Variants in SCN9A observed in about 807,000 individuals in gnomAD.
The protein encoded by SCN9A is sodium channel protein type 9 subunit alpha.
In SCN9A, 131 loss-of-function variants were observed where a neutral mutation model predicts 187.0. The ratio of observed to expected loss-of-function variants is 0.70; its 90% confidence interval spans 0.61 to 0.81. The LOEUF is 0.81. SCN9A is among the 30% of genes least tolerant of loss of function. SCN9A has a pLI of 0.00. For missense variants in SCN9A, 2,252 were observed against 2,396.6 expected, an observed-to-expected ratio of 0.94 and a Z score of 1.26; for synonymous variants, 809 against 808.6, an observed-to-expected ratio of 1.00 and a Z score of -0.01.
rs1236099048 is a variant in SCN9A, at chr2:166,284,450, T to C, written c.1974+3A>G. The C allele has an allele frequency of 1.9e-6, 3 of 1,606,176 alleles. No individual in the cohort carries two copies. Among genetic ancestry groups the C allele is most frequent in the Non-Finnish European group, 2.6e-6 (3 of 1,176,264 alleles). On this transcript the variant is annotated splice_donor_region_variant and intron_variant, in intron 12 of 26. Coordinates refer to ENST00000642356, the MANE Select transcript of SCN9A (RefSeq NM_001365536.1). ...ATGCCTGAGCTATGTAAAACGTCCT[T>C]ACGCTGTCATCAGAAGTTGCCTTAT...
At chr2:166,370,019 C>T (rs758251421) in intron 1 of SCN9A, among the ~76,000 whole-genome samples, 16 of 151,778 alleles carry the variant, frequency 1.1e-4, no homozygotes, top group Non-Finnish European at 1.9e-4. Context: ...CTGTTTTACT[C>T]ATCTGCATGG....
intron 22 of SCN9A, 109 bp downstream of exon 22, chr2:166,228,582 C>A: frequency 8.9e-7 from 1 of 1,118,908 alleles, no homozygotes. Context: ...TTAAAAACCA[C>A]ACAGTATTTT....
At chr2:166,281,885 T>G in intron 12 of SCN9A, 77 bp from the exon 13 acceptor site, 1 of 1,346,526 alleles carries the variant, frequency 7.4e-7, no homozygotes, top group Non-Finnish European at 1.0e-6. Context: ...CTTGCTTATA[T>G]AGCTGTAGTG....
intron 24 of SCN9A, among the ~76,000 whole-genome samples, chr2:166,207,721 G>A (rs188316159): frequency 2.2e-3 from 332 of 152,258 alleles, no homozygotes; most frequent in African/African-American, 5.5e-3. Flanking sequence ...GATTACAGGC[G>A]TGAGCCACCA....
chr2:166,284,771 T>G lies in SCN9A; in HGVS notation c.1656A>C (p.Thr552=). 1.9e-6 allele frequency: 3 copies of G among 1,613,646 alleles called. No homozygotes were observed. Among genetic ancestry groups the G allele is most frequent in the Non-Finnish European group, 1.7e-6 (2 of 1,179,858 alleles). Residue 552 remains threonine (T), a synonymous_variant, in exon 12 of 27, where the codon ACA becomes ACC. Transcript: ENST00000642356. ...CTCTGCCTTTGAAACTAAAAAGACT[T>G]GTTCTGCTGCTTCGCCTTGCAGAAA... ...SLFSARRSSR[T]SLFSFKGRGR...
rs747340707 is a variant in SCN9A at position 166,199,131 on chromosome 2, G to T, written c.5508C>A (p.Ile1836=). The change falls in exon 27 of 27, where the codon ATC becomes ATA. Residue 1836 remains isoleucine (I), a synonymous_variant. Coordinates refer to ENST00000642356, the MANE Select transcript of SCN9A (RefSeq NM_001365536.1). Reference sequence around the variant, plus strand: ...AAGCAAATAAGATGTCAAGACAATGGATCCGGTCACCACTAACCATGGGCA... The same window carrying T: ...AAGCAAATAAGATGTCAAGACAATGTATCCGGTCACCACTAACCATGGGCA... ...MDLPMVSGDR[I]HCLDILFAFT... is the part of the protein sequence containing the mutation. 5 of 1,614,022 alleles carry T rather than the reference G, an allele frequency of 3.1e-6. No homozygotes were observed. Among genetic ancestry groups the T allele is most frequent in the Non-Finnish European group, 4.2e-6 (5 of 1,180,044 alleles).
intron 20 of SCN9A, among the ~76,000 whole-genome samples, chr2:166,237,267 TGA>T (rs1695359681): frequency 1.3e-5 from 2 of 151,912 alleles, no homozygotes; most frequent in African/African-American, 4.8e-5. Flanking sequence ...AGTTTCTATT[TGA>T]GAGTCCTTGA....
At chr2:166,289,269 G>C (rs186033351) in intron 9 of SCN9A, among the ~76,000 whole-genome samples, 12 of 151,168 alleles carry the variant, frequency 7.9e-5, no homozygotes. Flanking sequence ...CACGTGCCAT[G>C]GTGGTTTGCT....
In SCN9A at chr2:166,303,314, A is replaced by G; in HGVS notation, c.689-12T>C. ...AATTGTCTTCAGGCCTGAAAATGGG[A>G]GAAAAAAGTGTTTGTAATGACATAA... On this transcript the variant is annotated splice_polypyrimidine_tract_variant and intron_variant, in intron 6 of 26. Coordinates refer to ENST00000642356, the MANE Select transcript of SCN9A (RefSeq NM_001365536.1). The G allele has an allele frequency of 1.9e-6, 3 of 1,606,288 alleles. No individual in the cohort carries two copies. Among genetic ancestry groups the G allele is most frequent in the Non-Finnish European group, 2.6e-6 (3 of 1,176,214 alleles).
At chr2:166,325,508 CT>C (rs1241267173) in intron 1 of SCN9A, among the ~76,000 whole-genome samples, 1 of 152,014 alleles carries the variant, frequency 6.6e-6, no homozygotes, top group Non-Finnish European at 1.5e-5. Flanking sequence ...CCTAATTATA[CT>C]TGAGAGTCAT....
chr2:166,237,868 A>C (rs528991115), intron 20 of SCN9A, among the ~76,000 whole-genome samples: 1 of 152,216 alleles, frequency 6.6e-6, no homozygotes, highest in African/African-American at 2.4e-5. Context: ...AAATGTTACA[A>C]TGTCACAGAA....
chr2:166,288,162 T>TACACACAC (rs10584581), intron 10 of SCN9A, among the ~76,000 whole-genome samples: 3 of 146,750 alleles, frequency 2.0e-5, no homozygotes, highest in African/African-American at 7.5e-5. Flanking sequence ...TATATAGACA[T>TACACACAC]ACACACACAC....
chr2:166,290,991 G>T (rs934152286), intron 9 of SCN9A, among the ~76,000 whole-genome samples: 6 of 152,084 alleles, frequency 3.9e-5, no homozygotes, highest in African/African-American at 1.4e-4. Context: ...ATGGGAAAAA[G>T]CTGGAAGCAT....
intron 1 of SCN9A, among the ~76,000 whole-genome samples, chr2:166,341,911 T>C (rs1159954686): frequency 2.0e-5 from 3 of 152,212 alleles, no homozygotes; most frequent in Admixed American, 6.5e-5. Flanking sequence ...AGGTTTCGGT[T>C]TTAACCTTAA....
intron 1 of SCN9A, among the ~76,000 whole-genome samples, chr2:166,365,514 CAAAATCA>C: frequency 6.6e-6 from 1 of 152,236 alleles, no homozygotes; most frequent in Non-Finnish European, 1.5e-5. Context: ...GTAATCCCTA[CAAAATCA>C]AGAAAAACCC....
In SCN9A at chr2:166,305,709, C is replaced by T. The variant is rs1329279959; in HGVS notation, c.596+83G>A. 3 of 1,563,634 alleles carry T rather than the reference C, an allele frequency of 1.9e-6. No homozygotes were observed. In the African/African-American group the frequency reaches 4.1e-5, roughly 21 times the overall value. On this transcript the variant is annotated intron_variant, in intron 5 of 26. Transcript: ENST00000642356. ...GACATTCCATGCTGGAAAAATCAGA[C>T]CCCAGAGGTTTGCTGTTATTGGAAC...
At position 166,354,434 on chromosome 2, in the gene SCN9A, A is replaced by G. The variant is rs932314022; in HGVS notation, c.-51+21263T>C. Among the ~76,000 whole-genome samples the G allele has an allele frequency of 2.6e-5, 4 of 152,188 alleles. No individual in the cohort carries two copies. In the South Asian group the frequency reaches 6.2e-4, roughly 24 times the overall value. The stretch of plus-strand genomic sequence containing the variant: ...AAGGGGGACAATATGGTGGACACCA[A>G]CTAAAGTTTAAAATTCTCTAATTTG... On this transcript the variant is annotated intron_variant, in intron 1 of 26. Transcript: ENST00000642356.
At position 166,285,609 on chromosome 2, in the gene SCN9A, T is replaced by C. The variant is rs371120837; in HGVS notation, c.1602+727A>G. On this transcript the variant is annotated intron_variant, in intron 11 of 26. Transcript: ENST00000642356. The stretch of plus-strand genomic sequence containing the variant: ...CAAGTGAAATTTTGAAGGCAGGGAC[T>C]CTATCTTTTTTTACTGTGTATATCA... 3.3e-5 allele frequency among the ~76,000 whole-genome samples: 5 copies of C among 152,336 alleles called. No individual in the cohort carries two copies. The South Asian group carries it at 1.0e-3, about 32-fold the overall frequency.
chr2:166,201,652 T>C (rs28675022), intron 26 of SCN9A, among the ~76,000 whole-genome samples: 16,046 of 30,200 alleles, frequency 0.53, 6,763 homozygotes, highest in East Asian at 0.64. Context: ...ATAGAGTATG[T>C]ATATATATAG....
Sources: allele counts gnomAD v4.1 joint callset (sites outside exome capture counted in the v4.1 genomes callset), GRCh38; gene constraint gnomAD v4.1.1; transcripts MANE v1.5; gene names NCBI Gene and HGNC (gene_info 2026-07-23, HGNC 2026-07-21).